PHKA1: variants seen among roughly 807,000 people sequenced by gnomAD.
The protein encoded by PHKA1 is phosphorylase b kinase regulatory subunit alpha, skeletal muscle isoform.
In PHKA1, 60 loss-of-function variants were observed where a neutral mutation model predicts 110.2. That is an observed-to-expected ratio of 0.54 (90% CI 0.44 to 0.68). PHKA1 has a LOEUF of 0.68. Ranked by LOEUF, PHKA1 falls within the 30% of genes least tolerant of loss-of-function variation. The probability of loss-of-function intolerance (pLI) is 0.00; values close to 1 mark genes in which losing one functional copy is unlikely to be tolerated. For synonymous variants in PHKA1, 316 were observed against 333.6 expected, an observed-to-expected ratio of 0.95 and a Z score of 0.58; for missense variants, 801 against 942.5, an observed-to-expected ratio of 0.85 and a Z score of 1.97.
chrX:72,604,933 C>T lies in PHKA1; in HGVS notation c.2815+338G>A, dbSNP rs782051644. On this transcript the variant is annotated intron_variant, in intron 25 of 31. Coordinates refer to ENST00000373542, the MANE Select transcript of PHKA1 (RefSeq NM_002637.4). Reference sequence around the variant, plus strand: ...TAGTGACTCATTCTTGGTGTACAGACGCTCCACTGCCTAAATCTTAACCCA... The same window carrying T: ...TAGTGACTCATTCTTGGTGTACAGATGCTCCACTGCCTAAATCTTAACCCA... Among the ~76,000 whole-genome samples, 6 of 111,703 alleles carry T rather than the reference C, an allele frequency of 5.4e-5. No individual in the cohort carries two copies. The South Asian group carries it at 2.3e-3, about 42-fold the overall frequency.
At chrX:72,628,658 C>T (rs909464608) in intron 16 of PHKA1, among the ~76,000 whole-genome samples, 5 of 105,051 alleles carry the variant, frequency 4.8e-5, no homozygotes, top group Non-Finnish European at 9.7e-5. Flanking sequence ...GGTGCAATCT[C>T]GGCTCACTGC....
intron 29 of PHKA1, among the ~76,000 whole-genome samples, chrX:72,591,102 T>C (rs1016149202): frequency 8.9e-6 from 1 of 111,836 alleles, no homozygotes; most frequent in Non-Finnish European, 1.9e-5. Flanking sequence ...ACTATAAAGA[T>C]ACATGCACAT....
intron 13 of PHKA1, among the ~76,000 whole-genome samples, chrX:72,646,554 G>C (rs375164447): frequency 1.9e-3 from 206 of 111,107 alleles, no homozygotes; most frequent in African/African-American, 6.3e-3. Flanking sequence ...ATGGGCAAAG[G>C]CTCAAGGGAA....
At chrX:72,697,713 G>A (rs1244345139) in intron 3 of PHKA1, among the ~76,000 whole-genome samples, 3 of 110,433 alleles carry the variant, frequency 2.7e-5, no homozygotes, top group African/African-American at 9.9e-5. Flanking sequence ...GGCCGGGTGC[G>A]GTGGCTCACG....
chrX:72,619,120 T>C lies in PHKA1; in HGVS notation c.2229+94A>G, dbSNP rs192522905. On this transcript the variant is annotated intron_variant, in intron 20 of 31. Transcript: ENST00000373542. ...GAATAGCATTTTGCGTACCACTAGT[T>C]AGTAACAAGAACCATAATGACTAGT... 2.7e-5 allele frequency: 16 copies of C among 596,326 alleles called. No homozygotes were observed. The African/African-American group carries it at 3.1e-4, about 12-fold the overall frequency. The allele number at this position is 596,326 out of a possible 1,213,427, so 49.1% of individuals were successfully genotyped here. A position where few individuals can be genotyped will look rare whatever the true frequency, so the allele number is the denominator to read the frequency against.
intron 28 of PHKA1, among the ~76,000 whole-genome samples, chrX:72,597,171 A>G (rs1556235213): frequency 8.9e-6 from 1 of 112,274 alleles, no homozygotes; most frequent in Non-Finnish European, 1.9e-5. Context: ...AGGCTTGCTT[A>G]CAAGGTTGGC....
rs1221781346 is a variant in PHKA1, at chrX:72,578,956, CGA to C, written c.*2044_*2045del. 1 of 111,947 alleles carries C rather than the reference CGA, an allele frequency of 8.9e-6. No homozygotes were observed. Among genetic ancestry groups the C allele is most frequent in the African/African-American group, 3.2e-5 (1 of 30,840 alleles). The allele number at this position is 111,947 out of a possible 1,213,427, so 9.2% of individuals were successfully genotyped here. ...CACTTAAAATGAACAAAAAACAAGT[CGA>C]GTTTTCTTAAAAGTTGCTTTAAAAG... On this transcript the variant is annotated 3_prime_UTR_variant, in exon 32 of 32. Transcript: ENST00000373542.
rs923461579 is a variant in PHKA1, at chrX:72,620,313, G to C, written c.2137+412C>G. Among the ~76,000 whole-genome samples, 6 of 111,955 alleles carry C rather than the reference G, an allele frequency of 5.4e-5. No homozygotes were observed. The South Asian group carries it at 1.9e-3, about 35-fold the overall frequency. ...ACTGAAGGAGGGTAGTGGCCATGGG[G>C]AGAAGAATGGCAAAGTTGTAAAGAA... On this transcript the variant is annotated intron_variant, in intron 19 of 31. Transcript: ENST00000373542.
At chrX:72,699,730 C>A (rs2054182884) in intron 3 of PHKA1, among the ~76,000 whole-genome samples, 1 of 110,698 alleles carries the variant, frequency 9.0e-6, no homozygotes, top group South Asian at 3.8e-4. Context: ...AAAAGGACAT[C>A]AAGTCCTGCT....
At chrX:72,628,551 C>CAT (rs72101398) in intron 16 of PHKA1, among the ~76,000 whole-genome samples, 3,018 of 97,779 alleles carry the variant, frequency 0.031, 103 homozygotes, top group Admixed American at 0.091. Context: ...AAAATATTCC[C>CAT]ATATATATAT....
chrX:72,619,140 A>G, intron 20 of PHKA1, 74 bp downstream of exon 20: 1 of 640,204 alleles, frequency 1.6e-6, no homozygotes, highest in Non-Finnish European at 2.6e-6. Flanking sequence ...AACCATAATG[A>G]CTAGTCCTAT....
intron 31 of PHKA1, 76 bp from the exon 32 acceptor site, chrX:72,581,251 G>T: frequency 3.0e-6 from 2 of 658,196 alleles, no homozygotes; most frequent in Middle Eastern, 2.9e-4. Flanking sequence ...GTCCTGATTA[G>T]CATAATTCAG....
intron 21 of PHKA1, among the ~76,000 whole-genome samples, chrX:72,617,077 T>C (rs2052908502): frequency 1.8e-5 from 2 of 111,485 alleles, no homozygotes; most frequent in South Asian, 3.8e-4. Flanking sequence ...CAACATAATG[T>C]TACACCTAAA....
chrX:72,612,243 A>T (rs1556262011), intron 21 of PHKA1, among the ~76,000 whole-genome samples: 1 of 111,832 alleles, frequency 8.9e-6, no homozygotes, highest in Non-Finnish European at 1.9e-5. Flanking sequence ...ATATTGCAAG[A>T]CTCAATTTAT....
intron 5 of PHKA1, among the ~76,000 whole-genome samples, chrX:72,679,951 G>A (rs940675723): frequency 1.4e-4 from 16 of 110,751 alleles, no homozygotes; most frequent in African/African-American, 4.3e-4. Context: ...TAGAAGAAAC[G>A]TGAAGAAAAT....
At chrX:72,684,453 C>T in intron 5 of PHKA1, 45 bp downstream of exon 5, 1 of 872,887 alleles carries the variant, frequency 1.1e-6, no homozygotes, top group Non-Finnish European at 1.7e-6. Context: ...ATTTAGAAAA[C>T]AAAAACATCA....
At position 72,609,672 on chromosome X, in the gene PHKA1, T is replaced by A; in HGVS notation, c.2558A>T (p.His853Leu). 3 of 1,204,736 alleles carry A rather than the reference T, an allele frequency of 2.5e-6. No homozygotes were observed. The highest frequency in any genetic ancestry group is 3.4e-6 in the Non-Finnish European group (3 of 889,060). Reference sequence around the variant, plus strand: ...TTCTGGAGGAAGTCCTACTGTCAAATGTTTCTGGTGGGAGAGAAGGTCTGT... The same window carrying A: ...TTCTGGAGGAAGTCCTACTGTCAAAAGTTTCTGGTGGGAGAGAAGGTCTGT... The part of the protein sequence containing the change: ...ACTDLLSHQK[H>L]LTVGLPPEPR... The change falls in exon 23 of 32, where the codon CAT (histidine) becomes CTT (leucine). Residue 853 changes from histidine to leucine, a missense_variant. His to Leu is a moderately conservative substitution (Grantham distance 99). Around this residue, in one of 2 missense-constraint regions of PHKA1, gnomAD observed 502 missense variants for 519.2 expected, o/e 0.97. Transcript: ENST00000373542.
chrX:72,631,625 T>C (rs1042613277), intron 16 of PHKA1, among the ~76,000 whole-genome samples: 1 of 111,014 alleles, frequency 9.0e-6, no homozygotes, highest in Admixed American at 9.6e-5. Flanking sequence ...TTTTTCTTTT[T>C]GTATTTCTGA....
chrX:72,630,045 C>T (rs2053141173), intron 16 of PHKA1, among the ~76,000 whole-genome samples: 1 of 111,377 alleles, frequency 9.0e-6, no homozygotes, highest in Non-Finnish European at 1.9e-5. Flanking sequence ...GGAAGGAGTT[C>T]GGGACCAGCC....
Sources: allele counts gnomAD v4.1 joint callset (sites outside exome capture counted in the v4.1 genomes callset), GRCh38; gene constraint gnomAD v4.1.1; regional missense constraint gnomAD v4.1.1; transcripts MANE v1.5; gene names NCBI Gene and HGNC (gene_info 2026-07-23, HGNC 2026-07-21).